The following CAPZA1 variants were observed in gnomAD, a reference collection of about 807,000 sequenced individuals.
The protein encoded by CAPZA1 is capping actin protein of muscle Z-line subunit alpha 1.
CAPZA1 carries 10 observed loss-of-function variants against 40.8 expected under a neutral mutation model. That is an observed-to-expected ratio of 0.25 (90% CI 0.15 to 0.42). The LOEUF (loss-of-function observed/expected upper bound fraction) is 0.42. Ranked by LOEUF, CAPZA1 falls within the 10% of genes least tolerant of loss-of-function variation. The pLI, the probability that CAPZA1 is intolerant of heterozygous loss-of-function variation, is 1.00. For synonymous variants in CAPZA1, 98 were observed against 115.0 expected, an observed-to-expected ratio of 0.85 and a Z score of 0.95; for missense variants, 277 against 353.8, an observed-to-expected ratio of 0.78 and a Z score of 1.74.
intron 5 of CAPZA1, among the ~76,000 whole-genome samples, chr1:112,656,848 C>T (rs1223517469): frequency 3.9e-5 from 6 of 151,912 alleles, no homozygotes. Flanking sequence ...TTTTCATTGT[C>T]CTCTGACAGG....
chr1:112,636,764 T>G (rs1671028728), intron 1 of CAPZA1, among the ~76,000 whole-genome samples: 1 of 152,192 alleles, frequency 6.6e-6, no homozygotes, highest in Non-Finnish European at 1.5e-5. Context: ...TGAGAATGAT[T>G]GACTAAATCA....
chr1:112,629,280 C>G (rs1164211890), intron 1 of CAPZA1, among the ~76,000 whole-genome samples: 1 of 152,212 alleles, frequency 6.6e-6, no homozygotes, highest in African/African-American at 2.4e-5. Flanking sequence ...ATTTCAGATA[C>G]TTAACCAGAA....
chr1:112,659,632 C>T, intron 6 of CAPZA1, 69 bp from the exon 7 acceptor site: 1 of 1,201,704 alleles, frequency 8.3e-7, no homozygotes, highest in South Asian at 1.3e-5. Context: ...ACTTCTGTAC[C>T]TCAGTGGCAA....
chr1:112,662,506 C>T (rs924518751), intron 7 of CAPZA1, among the ~76,000 whole-genome samples: 1 of 142,228 alleles, frequency 7.0e-6, no homozygotes, highest in African/African-American at 2.6e-5. Context: ...TCATGCCATT[C>T]TCCTGCCTCA....
chr1:112,654,899 G>A (rs1448745381), intron 5 of CAPZA1, among the ~76,000 whole-genome samples: 1 of 151,980 alleles, frequency 6.6e-6, no homozygotes, highest in African/African-American at 2.4e-5. Context: ...AGTGTATTCT[G>A]TTTTCACATT....
At chr1:112,664,181 G>A (rs909086061) in intron 7 of CAPZA1, among the ~76,000 whole-genome samples, 87 of 146,998 alleles carry the variant, frequency 5.9e-4, no homozygotes, top group Non-Finnish European at 1.5e-4. Flanking sequence ...GCAGTGAGCC[G>A]ACATCAGCCA....
chr1:112,651,343 A>G (rs940441171), intron 3 of CAPZA1, among the ~76,000 whole-genome samples: 3 of 152,250 alleles, frequency 2.0e-5, no homozygotes, highest in Admixed American at 6.5e-5. Flanking sequence ...AATAATCACT[A>G]GCTCCTGTGT....
chr1:112,628,124 A>G (rs988081171), intron 1 of CAPZA1, among the ~76,000 whole-genome samples: 2 of 152,362 alleles, frequency 1.3e-5, no homozygotes, highest in East Asian at 3.9e-4. Flanking sequence ...ACAGTATGAC[A>G]GTATCTTAGA....
At chr1:112,647,674 G>T (rs3125044) in intron 2 of CAPZA1, among the ~76,000 whole-genome samples, 152,300 of 152,352 alleles carry the variant, frequency 1, 76,124 homozygotes, top group Middle Eastern at 1. Context: ...GGGGCTGAAC[G>T]GACTATATCT....
chr1:112,663,030 C>T (rs1229543957), intron 7 of CAPZA1, among the ~76,000 whole-genome samples: 1 of 151,716 alleles, frequency 6.6e-6, no homozygotes, highest in African/African-American at 2.4e-5. Context: ...AGTGACACGA[C>T]CTTGGCTCAT....
intron 7 of CAPZA1, among the ~76,000 whole-genome samples, chr1:112,664,373 A>G (rs138139432): frequency 6.6e-6 from 1 of 152,102 alleles, no homozygotes; most frequent in South Asian, 2.1e-4. Flanking sequence ...CCTTCTAATG[A>G]TATCCACAAA....
At chr1:112,639,687 C>A (rs1671093310) in intron 1 of CAPZA1, among the ~76,000 whole-genome samples, 1 of 151,598 alleles carries the variant, frequency 6.6e-6, no homozygotes, top group Non-Finnish European at 1.5e-5. Context: ...TTCTTTATTT[C>A]CCCTTTCATC....
At chr1:112,644,313 C>T (rs970676059) in intron 1 of CAPZA1, among the ~76,000 whole-genome samples, 5 of 150,134 alleles carry the variant, frequency 3.3e-5, no homozygotes, top group African/African-American at 9.8e-5. Flanking sequence ...GCCTCAGCTT[C>T]CCAAGTAGCT....
intron 8 of CAPZA1, 46 bp from the exon 9 acceptor site, chr1:112,669,497 A>T: frequency 7.7e-7 from 1 of 1,302,308 alleles, no homozygotes; most frequent in South Asian, 1.2e-5. Flanking sequence ...TACTGCTTAC[A>T]CATTAAAAAA....
chr1:112,653,692 T>A (rs1217631306), intron 4 of CAPZA1, 31 bp downstream of exon 4: 2 of 1,403,528 alleles, frequency 1.4e-6, no homozygotes, highest in Non-Finnish European at 2.0e-6. Context: ...AGGCTATGCC[T>A]GGCAGATAGT....
chr1:112,651,290 AT>A (rs1336520720), intron 3 of CAPZA1, among the ~76,000 whole-genome samples: 1 of 152,200 alleles, frequency 6.6e-6, no homozygotes, highest in Non-Finnish European at 1.5e-5. Context: ...AGGAAGTAAG[AT>A]TGTTTTGAGT....
chr1:112,659,857 G>A (rs1320544059), intron 7 of CAPZA1, 78 bp downstream of exon 7: 6 of 1,040,574 alleles, frequency 5.8e-6, no homozygotes, highest in South Asian at 1.4e-5. Flanking sequence ...ATTAAATAAG[G>A]ACCAAGTATG....
rs775450130 is a variant in CAPZA1, at chr1:112,647,208, A to G, written c.40-2A>G. ...CTAAGTGTAAATTTTGTTTCTCTTT[A>G]GGTACGCATAGCTGCTAAATTCATC... On this transcript the variant is annotated splice_acceptor_variant, in intron 1 of 9. Transcript: ENST00000263168. LOFTEE classifies it high-confidence loss of function. 6.7e-7 allele frequency: 1 copy of G among 1,484,922 alleles called. No individual in the cohort carries two copies. Among genetic ancestry groups the G allele is most frequent in the Non-Finnish European group, 9.1e-7 (1 of 1,100,620 alleles). 92.0% of individuals were successfully genotyped at this position (1,484,922 alleles called of 1,614,324 possible).
chr1:112,633,762 G>A (rs1670965682), intron 1 of CAPZA1, among the ~76,000 whole-genome samples: 1 of 151,998 alleles, frequency 6.6e-6, no homozygotes, highest in African/African-American at 2.4e-5. Context: ...GTTATCATTT[G>A]TCTTTTTGAT....
Sources: gnomAD v4.1 joint callset for allele counts (sites outside exome capture counted in the v4.1 genomes callset) on GRCh38, gnomAD v4.1.1 for gene constraint, MANE v1.5 for transcripts, NCBI Gene and HGNC (gene_info 2026-07-23, HGNC 2026-07-21) for gene names.